Variants in CNTN5 observed in about 807,000 individuals in gnomAD.
The protein encoded by CNTN5 is contactin-5.
Under a neutral mutation model 129.1 loss-of-function variants are expected in CNTN5, and 77 were observed. The ratio of observed to expected loss-of-function variants is 0.60; its 90% confidence interval spans 0.50 to 0.72. The LOEUF is 0.72. Ranked by LOEUF, CNTN5 falls within the 30% of genes least tolerant of loss-of-function variation. The pLI, the probability that CNTN5 is intolerant of heterozygous loss-of-function variation, is 0.00. For synonymous variants in CNTN5, 509 were observed against 465.6 expected (o/e 1.09, Z -1.20); for missense variants, 1,478 against 1,328.8 (o/e 1.11, Z -1.75).
intron 1 of CNTN5, among the ~76,000 whole-genome samples, chr11:99,036,325 A>G (rs1480014317): frequency 6.6e-6 from 1 of 151,984 alleles, no homozygotes; most frequent in Non-Finnish European, 1.5e-5. Flanking sequence ...CCCAAGATGG[A>G]GTTTCACTCC....
intron 16 of CNTN5, among the ~76,000 whole-genome samples, chr11:100,242,164 C>T (rs1455642599): frequency 6.6e-6 from 1 of 152,146 alleles, no homozygotes; most frequent in East Asian, 1.9e-4. Flanking sequence ...CTTTGCTATG[C>T]TCCAATTGCC....
intron 3 of CNTN5, among the ~76,000 whole-genome samples, chr11:99,701,898 C>T (rs988221179): frequency 6.6e-6 from 1 of 150,838 alleles, no homozygotes; most frequent in African/African-American, 2.4e-5. Flanking sequence ...CTATTTTACT[C>T]CTAATTTCTT....
At chr11:99,787,398 A>G (rs1945570882) in intron 3 of CNTN5, among the ~76,000 whole-genome samples, 1 of 151,668 alleles carries the variant, frequency 6.6e-6, no homozygotes, top group African/African-American at 2.4e-5. Flanking sequence ...CTTTATTTAA[A>G]ATATTTTTTA....
intron 18 of CNTN5, among the ~76,000 whole-genome samples, chr11:100,280,284 T>C: frequency 6.6e-6 from 1 of 152,024 alleles, no homozygotes; most frequent in East Asian, 1.9e-4. Context: ...TGTTAAAGTC[T>C]CCAGCTATTA....
intron 1 of CNTN5, among the ~76,000 whole-genome samples, chr11:99,145,718 A>G (rs954869191): frequency 6.6e-6 from 1 of 152,040 alleles, no homozygotes; most frequent in African/African-American, 2.4e-5. Context: ...AGTATTACTT[A>G]CTCTTCCACA....
At chr11:99,795,654 C>CT (rs888745551) in intron 3 of CNTN5, among the ~76,000 whole-genome samples, 3 of 143,986 alleles carry the variant, frequency 2.1e-5, no homozygotes, top group Non-Finnish European at 3.0e-5. Context: ...CCCTTTGGAT[C>CT]TTTTTTTAAA....
At chr11:99,547,495 T>C (rs1453558629) in intron 2 of CNTN5, among the ~76,000 whole-genome samples, 2 of 152,196 alleles carry the variant, frequency 1.3e-5, no homozygotes, top group African/African-American at 4.8e-5. Context: ...TTTTAATAAA[T>C]AATTTCAGGT....
At chr11:99,909,090 G>T (rs988077490) in intron 6 of CNTN5, among the ~76,000 whole-genome samples, 1 of 151,928 alleles carries the variant, frequency 6.6e-6, no homozygotes, top group Non-Finnish European at 1.5e-5. Flanking sequence ...TCATATAATG[G>T]ATGTTAGTAT....
At chr11:100,321,327 T>C (rs1208261490) in intron 21 of CNTN5, among the ~76,000 whole-genome samples, 1 of 150,972 alleles carries the variant, frequency 6.6e-6, no homozygotes, top group East Asian at 2.0e-4. Flanking sequence ...TTAAATAGGA[T>C]TGGTTTCCTG....
At chr11:99,109,027 A>G (rs531951918) in intron 1 of CNTN5, among the ~76,000 whole-genome samples, 1 of 151,560 alleles carries the variant, frequency 6.6e-6, no homozygotes, top group Admixed American at 6.6e-5. Flanking sequence ...TACACATAGT[A>G]TATGTACATA....
chr11:99,256,706 G>C (rs557542488), intron 1 of CNTN5, among the ~76,000 whole-genome samples: 1 of 151,920 alleles, frequency 6.6e-6, no homozygotes, highest in East Asian at 1.9e-4. Flanking sequence ...ATTAAACTTA[G>C]GGTACAGCAT....
chr11:99,645,738 A>T (rs1951934942), intron 3 of CNTN5, among the ~76,000 whole-genome samples: 1 of 151,490 alleles, frequency 6.6e-6, no homozygotes, highest in Admixed American at 6.6e-5. Context: ...CATAAGTGGT[A>T]GTTGAACAAT....
intron 13 of CNTN5, among the ~76,000 whole-genome samples, chr11:100,144,315 A>G (rs911607749): frequency 6.6e-6 from 1 of 152,062 alleles, no homozygotes; most frequent in Non-Finnish European, 1.5e-5. Flanking sequence ...ATTGAAACCC[A>G]TCACTGAAAT....
At chr11:100,252,419 A>G (rs1949982033) in intron 16 of CNTN5, among the ~76,000 whole-genome samples, 1 of 151,996 alleles carries the variant, frequency 6.6e-6, no homozygotes, top group African/African-American at 2.4e-5. Flanking sequence ...TTAGTTTGGT[A>G]TAATCCTATT....
chr11:99,499,844 T>C (rs571696058), intron 2 of CNTN5, among the ~76,000 whole-genome samples: 32 of 152,350 alleles, frequency 2.1e-4, no homozygotes, highest in African/African-American at 7.5e-4. Flanking sequence ...ATGAAATTCA[T>C]GTCACAACAT....
intron 1 of CNTN5, among the ~76,000 whole-genome samples, chr11:99,129,128 C>T (rs1285287304): frequency 2.0e-5 from 3 of 152,080 alleles, no homozygotes; most frequent in Admixed American, 6.6e-5. Flanking sequence ...AAGTAGGCTT[C>T]GGAAAGTGGA....
intron 1 of CNTN5, among the ~76,000 whole-genome samples, chr11:99,056,680 C>T (rs934876482): frequency 6.6e-6 from 1 of 151,950 alleles, no homozygotes; most frequent in African/African-American, 2.4e-5. Context: ...GGTCTGGGTG[C>T]CAGACTTCAA....
At chr11:99,120,532 G>C (rs1858264262) in intron 1 of CNTN5, 1 of 152,190 alleles carries the variant, frequency 6.6e-6, no homozygotes, top group Non-Finnish European at 1.5e-5. Context: ...TGTTTGGAAA[G>C]TGCTTTCAAA....
At position 100,193,616 on chromosome 11, in the gene CNTN5, C is replaced by G. The variant is rs752929851; in HGVS notation, c.1837C>G (p.Pro613Ala). 1.2e-6 allele frequency: 2 copies of G among 1,611,974 alleles called. No individual in the cohort carries two copies. Among genetic ancestry groups the G allele is most frequent in the Admixed American group, 1.7e-5 (1 of 59,726 alleles). The change falls in exon 15 of 25, where the codon CCT (proline) becomes GCT (alanine). Residue 613 changes from proline (P) to alanine (A), a missense_variant. Transcript: ENST00000524871. Reference sequence around the variant, plus strand: ...TTTCTACTGGACTCTGAAAGGACAGCCTATTGATTTCGAGGAAGAGGGTGG... The same window carrying G: ...TTTCTACTGGACTCTGAAAGGACAGGCTATTGATTTCGAGGAAGAGGGTGG... ...VTFYWTLKGQ[P>A]IDFEEEGGHF...
Sources: gnomAD v4.1 joint callset for allele counts (sites outside exome capture counted in the v4.1 genomes callset) on GRCh38, gnomAD v4.1.1 for gene constraint, MANE v1.5 for transcripts, NCBI Gene and HGNC (gene_info 2026-07-23, HGNC 2026-07-21) for gene names.